Variants in GLMN observed in about 807,000 individuals in gnomAD.
GLMN encodes glomulin, FKBP associated protein.
In GLMN, 75 loss-of-function variants were observed where a neutral mutation model predicts 87.8. The ratio of observed to expected loss-of-function variants is 0.85; its 90% confidence interval spans 0.71 to 1.04. GLMN has a LOEUF of 1.04. Ranked by LOEUF, GLMN falls within the 50% of genes least tolerant of loss-of-function variation. The pLI, the probability that GLMN is intolerant of heterozygous loss-of-function variation, is 0.00. For missense variants in GLMN, 588 were observed against 658.8 expected (o/e 0.89, Z 1.18); for synonymous variants, 206 against 221.6 (o/e 0.93, Z 0.63).
At chr1:92,299,096 C>G, upstream of GLMN, 1 of 1,520,792 alleles carries the variant, frequency 6.6e-7, no homozygotes, top group Non-Finnish European at 8.8e-7. Context: ...GCTGGGCCGT[C>G]TTCTGCCGGC....
the GLMN span, among the ~76,000 whole-genome samples, chr1:92,348,807 AT>A: frequency 9.2e-5 from 14 of 152,218 alleles, no homozygotes; most frequent in Admixed American, 7.9e-4. Flanking sequence ...TTATACTTTA[AT>A]GTGTATTTCC....
upstream of GLMN, chr1:92,301,564 A>G (rs996326261): frequency 2.0e-6 from 3 of 1,534,996 alleles, no homozygotes; most frequent in African/African-American, 2.8e-5. Context: ...AGAGGAGAAT[A>G]TTACAGAAGA....
chr1:92,334,290 G>T, the GLMN span, among the ~76,000 whole-genome samples: 126 of 152,188 alleles, frequency 8.3e-4, no homozygotes, highest in Non-Finnish European at 1.6e-3. Context: ...AAGCTGTTGG[G>T]TTTTTTTCTC....
At chr1:92,293,532 A>G (rs553562378) in intron 3 of GLMN, among the ~76,000 whole-genome samples, 98 of 152,204 alleles carry the variant, frequency 6.4e-4, no homozygotes, top group Non-Finnish European at 1.1e-3. Flanking sequence ...ACAACCATTA[A>G]TGAGAACAGT....
At chr1:92,352,521 T>C in the GLMN span, among the ~76,000 whole-genome samples, 1 of 152,186 alleles carries the variant, frequency 6.6e-6, no homozygotes, top group Non-Finnish European at 1.5e-5. Flanking sequence ...AACAAAGAGA[T>C]GGTTCCTTAG....
chr1:92,343,133 AGT>A, the GLMN span, among the ~76,000 whole-genome samples: 1 of 152,334 alleles, frequency 6.6e-6, no homozygotes, highest in East Asian at 1.9e-4. Flanking sequence ...GGGACACTCC[AGT>A]ATTAAAAGGT....
the GLMN span, among the ~76,000 whole-genome samples, chr1:92,366,358 T>C: frequency 1.3e-5 from 2 of 152,210 alleles, no homozygotes; most frequent in African/African-American, 4.8e-5. Context: ...ATTTGTTTCC[T>C]TATCAATTAT....
At chr1:92,358,999 C>G in the GLMN span, among the ~76,000 whole-genome samples, 1 of 152,228 alleles carries the variant, frequency 6.6e-6, no homozygotes, top group South Asian at 2.1e-4. Flanking sequence ...AAGAGCAAGT[C>G]TGCTCTCAGT....
chr1:92,345,789 A>G, the GLMN span: 274 of 1,077,856 alleles, frequency 2.5e-4, 2 homozygotes, highest in African/African-American at 2.1e-3. Context: ...ATCTAGAAAG[A>G]AATAGAAAGT....
At chr1:92,270,035 C>T (rs1486499015) in intron 8 of GLMN, among the ~76,000 whole-genome samples, 2 of 152,066 alleles carry the variant, frequency 1.3e-5, no homozygotes, top group East Asian at 3.9e-4. Flanking sequence ...CAGACACAAG[C>T]ACACAGGGAG....
the GLMN span, among the ~76,000 whole-genome samples, chr1:92,368,152 C>T: frequency 2.0e-5 from 3 of 152,100 alleles, no homozygotes; most frequent in African/African-American, 2.4e-5. Flanking sequence ...TGGCTGGCCA[C>T]AGTGGGTCAC....
At chr1:92,316,974 TC>T in the GLMN span, among the ~76,000 whole-genome samples, 1 of 152,180 alleles carries the variant, frequency 6.6e-6, no homozygotes, top group Non-Finnish European at 1.5e-5. Context: ...TGAGTTTAGT[TC>T]TTAGAAAAAT....
At chr1:92,260,193 A>G (rs1654844864) in intron 16 of GLMN, among the ~76,000 whole-genome samples, 1 of 152,192 alleles carries the variant, frequency 6.6e-6, no homozygotes, top group South Asian at 2.1e-4. Flanking sequence ...TAAGCGCCTA[A>G]AAGATGTGAG....
intron 16 of GLMN, among the ~76,000 whole-genome samples, chr1:92,261,687 A>T (rs1368962506): frequency 6.6e-6 from 1 of 152,228 alleles, no homozygotes; most frequent in Non-Finnish European, 1.5e-5. Flanking sequence ...TGAACATTTC[A>T]TTATGTAAAT....
intron 7 of GLMN, among the ~76,000 whole-genome samples, chr1:92,281,342 C>T (rs552250481): frequency 2.6e-5 from 4 of 152,146 alleles, no homozygotes; most frequent in Non-Finnish European, 4.4e-5. Flanking sequence ...GAATTTTCAA[C>T]CCAGAATTTC....
intron 16 of GLMN, among the ~76,000 whole-genome samples, chr1:92,248,953 G>A (rs1487597201): frequency 6.6e-6 from 1 of 151,906 alleles, no homozygotes; most frequent in Non-Finnish European, 1.5e-5. Flanking sequence ...CTTATCTTGG[G>A]GAAATAAAGA....
intron 8 of GLMN, among the ~76,000 whole-genome samples, chr1:92,271,212 C>T (rs1656201539): frequency 6.6e-6 from 1 of 152,130 alleles, no homozygotes; most frequent in Non-Finnish European, 1.5e-5. Flanking sequence ...GCTTCAAAAC[C>T]AAGCCCTGTT....
intron 5 of GLMN, 53 bp downstream of exon 5, chr1:92,290,145 C>T: frequency 1.0e-6 from 1 of 988,076 alleles, no homozygotes; most frequent in Non-Finnish European, 1.6e-6. Context: ...AGGTAACCAT[C>T]AAGGCATTTA....
At chr1:92,320,974 C>T in the GLMN span, among the ~76,000 whole-genome samples, 3 of 152,090 alleles carry the variant, frequency 2.0e-5, no homozygotes, top group African/African-American at 7.2e-5. Flanking sequence ...TTTTACAGTC[C>T]TATAGGATTT....
Sources: gnomAD v4.1 joint callset for allele counts (sites outside exome capture counted in the v4.1 genomes callset) on GRCh38, gnomAD v4.1.1 for gene constraint, MANE v1.5 for transcripts, NCBI Gene and HGNC (gene_info 2026-07-23, HGNC 2026-07-21) for gene names.